Variants in ENTPD1 observed in about 807,000 individuals in gnomAD.
ENTPD1 encodes ectonucleoside triphosphate diphosphohydrolase 1, also known as ATP diphosphohydrolase.
A neutral mutation model predicts 57.0 loss-of-function variants in ENTPD1; 33 were observed. That is an observed-to-expected ratio of 0.58 (90% CI 0.44 to 0.77). The LOEUF (loss-of-function observed/expected upper bound fraction) is 0.77. ENTPD1 is among the 30% of genes least tolerant of loss of function. ENTPD1 has a pLI of 0.00. For synonymous variants in ENTPD1, 202 were observed against 218.8 expected, an observed-to-expected ratio of 0.92 and a Z score of 0.68; for missense variants, 501 against 603.4, an observed-to-expected ratio of 0.83 and a Z score of 1.78.
intron 3 of ENTPD1, 101 bp from the exon 4 acceptor site, chr10:95,842,243 T>C: frequency 1.2e-5 from 13 of 1,088,216 alleles, no homozygotes. Flanking sequence ...GAAATTGTTT[T>C]CTTGTATTTT....
the ENTPD1 span, among the ~76,000 whole-genome samples, chr10:95,700,949 C>T: frequency 6.6e-6 from 1 of 152,036 alleles, no homozygotes; most frequent in Non-Finnish European, 1.5e-5. Context: ...CCCACCACCA[C>T]GCCTGGCTAA....
intron 8 of ENTPD1, among the ~76,000 whole-genome samples, chr10:95,864,077 A>G (rs538155668): frequency 6.6e-6 from 1 of 152,316 alleles, no homozygotes; most frequent in East Asian, 1.9e-4. Context: ...GACTCAAGGA[A>G]ACAACCACTT....
At chr10:95,834,154 C>A (rs1018763098) in intron 2 of ENTPD1, among the ~76,000 whole-genome samples, 1 of 152,158 alleles carries the variant, frequency 6.6e-6, no homozygotes, top group Non-Finnish European at 1.5e-5. Context: ...TTCCAACCCC[C>A]TCATTTATCC....
chr10:95,790,715 A>G (rs1024819190), intron 1 of ENTPD1, among the ~76,000 whole-genome samples: 1 of 152,184 alleles, frequency 6.6e-6, no homozygotes, highest in Non-Finnish European at 1.5e-5. Context: ...GTACTTCAGT[A>G]TGAAAAAAAT....
intron 1 of ENTPD1, among the ~76,000 whole-genome samples, chr10:95,800,065 C>G (rs573162724): frequency 3.9e-5 from 6 of 152,118 alleles, no homozygotes; most frequent in Non-Finnish European, 8.8e-5. Flanking sequence ...AATTTTCTCC[C>G]ATTCTGTAGG....
chr10:95,798,979 G>A (rs904943836), intron 1 of ENTPD1, among the ~76,000 whole-genome samples: 2 of 152,200 alleles, frequency 1.3e-5, no homozygotes, highest in Admixed American at 1.3e-4. Context: ...TGTGGCTTCA[G>A]TGGTCTTCAC....
chr10:95,792,071 T>TA (rs139434419), intron 1 of ENTPD1, among the ~76,000 whole-genome samples: 11,147 of 150,616 alleles, frequency 0.074, 448 homozygotes, highest in African/African-American at 0.099. Flanking sequence ...CTTGCATAGT[T>TA]AAAAAAAAAC....
At chr10:95,760,490 G>A (rs965979769) in intron 1 of ENTPD1, among the ~76,000 whole-genome samples, 3 of 152,154 alleles carry the variant, frequency 2.0e-5, no homozygotes, top group African/African-American at 4.8e-5. Flanking sequence ...ACTATGGGTC[G>A]TGTAATCAAA....
chr10:95,797,586 C>T (rs1442011920), intron 1 of ENTPD1, among the ~76,000 whole-genome samples: 1 of 152,160 alleles, frequency 6.6e-6, no homozygotes, highest in Non-Finnish European at 1.5e-5. Flanking sequence ...CCAACATCTG[C>T]TTCTGGTGAG....
At chr10:95,811,283 G>T (rs2098305886) in intron 1 of ENTPD1, among the ~76,000 whole-genome samples, 1 of 152,200 alleles carries the variant, frequency 6.6e-6, no homozygotes, top group Non-Finnish European at 1.5e-5. Context: ...CCCAAAGGTA[G>T]CTGCTTGAGT....
chr10:95,841,947 C>T (rs1309393418), intron 3 of ENTPD1, among the ~76,000 whole-genome samples: 3 of 152,156 alleles, frequency 2.0e-5, no homozygotes, highest in African/African-American at 4.8e-5. Flanking sequence ...ATTTGTCTGA[C>T]GCTTAATTTT....
the ENTPD1 span, among the ~76,000 whole-genome samples, chr10:95,696,999 T>C: frequency 6.6e-6 from 1 of 152,038 alleles, no homozygotes; most frequent in East Asian, 1.9e-4. Context: ...TTGAAATACA[T>C]GAAGGTGTGC....
At position 95,717,457 on chromosome 10, in the gene ENTPD1, G is replaced by A. The variant is rs2097972849; in HGVS notation, c.37+5464G>A. Among the ~76,000 whole-genome samples the A allele has an allele frequency of 2.0e-5, 3 of 151,078 alleles. No individual in the cohort carries two copies. In the South Asian group the frequency reaches 6.4e-4, roughly 32 times the overall value. On this transcript the variant is annotated intron_variant, in intron 1 of 9. Transcript: ENST00000453258. ...TCCCTGCTCAAATGCCTGGGTTTATGTCCTGATCATTGTCCCTCCACCTGT... is the reference window on the plus strand; with the variant it reads ...TCCCTGCTCAAATGCCTGGGTTTATATCCTGATCATTGTCCCTCCACCTGT...
rs7078291 is a variant in ENTPD1 at position 95,739,970 on chromosome 10, G to A, written c.37+27977G>A. On this transcript the variant is annotated intron_variant, in intron 1 of 9. Coordinates refer to the ENTPD1 transcript ENST00000453258. ...CATCAGAGCTCCTGGGTGATCAAGT[G>A]CATTGTCAATGAACAGTAATATTTT... Among the ~76,000 whole-genome samples the A allele has an allele frequency of 3.3e-3, 505 of 152,310 alleles. 2 individuals carry two copies. The highest frequency in any genetic ancestry group is 0.011 in the African/African-American group (478 of 41,574).
chr10:95,867,271 A>G lies in ENTPD1; in HGVS notation c.*888A>G. The G allele has an allele frequency of 1.0e-6, 1 of 976,126 alleles. No homozygotes were observed. Among genetic ancestry groups the G allele is most frequent in the Non-Finnish European group, 1.2e-6 (1 of 821,526 alleles). The allele number at this position is 976,126 out of a possible 1,614,324, so 60.5% of individuals were successfully genotyped here. A position where few individuals can be genotyped will look rare whatever the true frequency, so the allele number is the denominator to read the frequency against. ...TTTAATTCATATTAAATACGTACAA[A>G]TCAGTGACATTTAGTACATTCACAG... is the stretch of plus-strand genomic sequence containing the variant. On this transcript the variant is annotated 3_prime_UTR_variant, in exon 10 of 10. Coordinates refer to ENST00000371205, the MANE Select transcript of ENTPD1 (RefSeq NM_001776.6).
Position 95,842,327 on chromosome 10 carries a change from T to G in ENTPD1, c.263-17T>G. On this transcript the variant is annotated splice_polypyrimidine_tract_variant and intron_variant, in intron 3 of 9. Transcript: ENST00000371205. ...ATTTTTTTTTAAAAGATTGTTATCT[T>G]CTACATTTTTTCCTAGGTCCTGGAA... 6.2e-7 allele frequency: 1 copy of G among 1,606,870 alleles called. No homozygotes were observed. The highest frequency in any genetic ancestry group is 8.5e-7 in the Non-Finnish European group (1 of 1,173,542).
chr10:95,858,765 C>A (rs1442743201), intron 7 of ENTPD1, among the ~76,000 whole-genome samples: 1 of 152,090 alleles, frequency 6.6e-6, no homozygotes, highest in Non-Finnish European at 1.5e-5. Flanking sequence ...GTATTTATAC[C>A]ATTGCTCATA....
intron 1 of ENTPD1, among the ~76,000 whole-genome samples, chr10:95,714,708 C>T (rs2097969568): frequency 6.6e-6 from 1 of 152,060 alleles, no homozygotes; most frequent in African/African-American, 2.4e-5. Flanking sequence ...TTCATTTGTG[C>T]ATTACTTTAC....
intron 2 of ENTPD1, among the ~76,000 whole-genome samples, chr10:95,825,862 G>A (rs1045644203): frequency 5.9e-5 from 9 of 152,218 alleles, no homozygotes; most frequent in African/African-American, 2.2e-4. Context: ...ACAGGCGTGA[G>A]CCACCGTGCC....
Sources: allele counts gnomAD v4.1 joint callset (sites outside exome capture counted in the v4.1 genomes callset), GRCh38; gene constraint gnomAD v4.1.1; transcripts MANE v1.5; gene names NCBI Gene and HGNC (gene_info 2026-07-23, HGNC 2026-07-21).